The following TRMT6 variants were observed in gnomAD, a reference collection of about 807,000 sequenced individuals.
TRMT6 encodes tRNA (adenine(58)-N(1))-methyltransferase non-catalytic subunit TRM6.
In TRMT6, 34 loss-of-function variants were observed where a neutral mutation model predicts 59.0. The observed-to-expected ratio is 0.58, with a 90% CI of 0.44 to 0.77. The LOEUF is 0.77. Among genes scored for constraint, TRMT6 ranks in the 30% least tolerant of loss-of-function variants. TRMT6 has a pLI of 0.00. For missense variants in TRMT6, 575 were observed against 604.5 expected, an observed-to-expected ratio of 0.95 and a Z score of 0.51; for synonymous variants, 217 against 210.5, an observed-to-expected ratio of 1.03 and a Z score of -0.27.
At chr20:5,949,901 G>C (rs886326843) in intron 1 of TRMT6, among the ~76,000 whole-genome samples, 3 of 149,454 alleles carry the variant, frequency 2.0e-5, no homozygotes, top group African/African-American at 7.7e-5. Flanking sequence ...CAAGGTCCTA[G>C]GGAAAGAACT....
intron 8 of TRMT6, chr20:5,941,654 G>A (rs1019374605): frequency 4.4e-5 from 24 of 548,648 alleles, no homozygotes; most frequent in Non-Finnish European, 6.1e-5. Context: ...GTGGATATCT[G>A]TTATAGCCTG....
At chr20:5,944,347 T>C in intron 3 of TRMT6, 94 bp from the exon 4 acceptor site, 2 of 687,506 alleles carry the variant, frequency 2.9e-6, no homozygotes, top group Non-Finnish European at 4.8e-6. Context: ...GATCCAATGG[T>C]CTGATTCTCC....
Position 5,942,551 on chromosome 20 carries a change from C to A in TRMT6, c.903G>T (p.Glu301Asp). The part of the protein sequence containing the change: ...TLEEKQASEQ[E>D]NEDSMAEAPE... The stretch of plus-strand genomic sequence containing the variant: ...GGGCCTCTGCCATGCTGTCTTCATT[C>A]TCTTGTTCAGAAGCCTGTTTTTCCT... The change falls in exon 7 of 11, where the codon GAG (glutamate) becomes GAT (aspartate). Residue 301 changes from glutamate (E) to aspartate (D), a missense_variant. Coordinates refer to ENST00000203001, the MANE Select transcript of TRMT6 (RefSeq NM_015939.5). 3 of 1,614,092 alleles carry A rather than the reference C, an allele frequency of 1.9e-6. No individual in the cohort carries two copies. Among genetic ancestry groups the A allele is most frequent in the Non-Finnish European group, 2.5e-6 (3 of 1,180,024 alleles).
rs1165497904 is a variant in TRMT6 at position 5,941,121 on chromosome 20, T to C, written c.1234A>G (p.Thr412Ala). 6.2e-7 allele frequency: 1 copy of C among 1,614,234 alleles called. No individual in the cohort carries two copies. Among genetic ancestry groups the C allele is most frequent in the African/African-American group, 1.3e-5 (1 of 75,066 alleles). The change falls in exon 10 of 11, where the codon ACA becomes GCA. Residue 412 changes from threonine to alanine, a missense_variant. Physicochemically the swap from Thr to Ala is moderately conservative, Grantham distance 58 (BLOSUM62 0). Coordinates refer to ENST00000203001, the MANE Select transcript of TRMT6 (RefSeq NM_015939.5). ...ACCCCTCCCCTCTCCCGCAGTTTTG[T>C]GTAGCATTCCAACAGAGGCTGCAGA... ...QYKEPLLECY[T>A]KLRERGGVIN...
At position 5,939,692 on chromosome 20, in the gene TRMT6, G is replaced by C. The variant is rs540203598; in HGVS notation, c.1303-966C>G. 3.0e-4 allele frequency among the ~76,000 whole-genome samples: 46 copies of C among 152,186 alleles called. 1 individual carries two copies. In the South Asian group the frequency reaches 9.6e-3, roughly 32 times the overall value. On this transcript the variant is annotated intron_variant, in intron 10 of 10. Transcript: ENST00000203001. ...TTGGGTCTATGGAGAAGTTGCTACTGAATGTACTACACTCCAAACCTCCCT... is the reference window on the plus strand; with the variant it reads ...TTGGGTCTATGGAGAAGTTGCTACTCAATGTACTACACTCCAAACCTCCCT...
At position 5,942,588 on chromosome 20, in the gene TRMT6, T is replaced by C; in HGVS notation, c.866A>G (p.Asn289Ser). The change falls in exon 7 of 11, where the codon AAT becomes AGT. Residue 289 changes from asparagine (N) to serine (S), a missense_variant. By Grantham distance (46) the Asn-to-Ser change is conservative. Transcript: ENST00000203001. ...PKDSALVEESNGTLEEKQASE... is the reference protein window; with the variant it reads ...PKDSALVEESSGTLEEKQASE... ...AGCCTGTTTTTCCTCCAGTGTGCCA[T>C]TACTTTCTTCAACCAAAGCACTGTC... 2 of 1,614,198 alleles carry C rather than the reference T, an allele frequency of 1.2e-6. No individual in the cohort carries two copies. Among genetic ancestry groups the C allele is most frequent in the Non-Finnish European group, 1.7e-6 (2 of 1,180,026 alleles).
rs1348255721 is a variant in TRMT6 at position 5,938,392 on chromosome 20, C to CATAT, written c.*139_*142dup. On this transcript the variant is annotated 3_prime_UTR_variant, in exon 11 of 11. Coordinates refer to ENST00000203001, the MANE Select transcript of TRMT6 (RefSeq NM_015939.5). ...ATCTGTGTCAGAAATAGACAAAAGG[C>CATAT]ATATACTCCTCCTTCCTAGAAACGG... 32 of 864,094 alleles carry CATAT rather than the reference C, an allele frequency of 3.7e-5. No individual in the cohort carries two copies. The East Asian group carries it at 7.9e-4, about 21-fold the overall frequency. The allele number at this position is 864,094 out of a possible 1,614,324, so 53.5% of individuals were successfully genotyped here.
At position 5,937,719 on chromosome 20, in the gene TRMT6, C is replaced by T. The variant is rs1182954255; in HGVS notation, c.*816G>A. On this transcript the variant is annotated 3_prime_UTR_variant, in exon 11 of 11. Coordinates refer to ENST00000203001, the MANE Select transcript of TRMT6 (RefSeq NM_015939.5). ...ATACAGGTGGTACAATCTATGTCTC[C>T]ACTTGCATGTGTATGTATATATCTG... 1 of 152,164 alleles carries T rather than the reference C, an allele frequency of 6.6e-6. No homozygotes were observed. Among genetic ancestry groups the T allele is most frequent in the Non-Finnish European group, 1.5e-5 (1 of 68,030 alleles). The allele number at this position is 152,164 out of a possible 1,614,324, so 9.4% of individuals were successfully genotyped here.
At chr20:5,944,575 C>T (rs190830832) in intron 3 of TRMT6, among the ~76,000 whole-genome samples, 82 of 152,302 alleles carry the variant, frequency 5.4e-4, no homozygotes, top group Non-Finnish European at 9.6e-4. Flanking sequence ...CTGATATGCA[C>T]TGTTATTACA....
rs186621355 is a variant in TRMT6, at chr20:5,950,248, G to A, written c.128+30C>T. ...GGGGGTATCTACAAGGTGGGGGCGG[G>A]AGACCCCTAAAATCAGCGATCTGAC... On this transcript the variant is annotated intron_variant, in intron 1 of 10. Transcript: ENST00000203001. 5.5e-3 allele frequency: 8,534 copies of A among 1,563,730 alleles called. 53 individuals carry two copies. Among genetic ancestry groups the A allele is most frequent in the Non-Finnish European group, 5.5e-3 (6,277 of 1,147,248 alleles).
chr20:5,941,407 A>G, intron 8 of TRMT6, 62 bp from the exon 9 acceptor site: 1 of 1,173,100 alleles, frequency 8.5e-7, no homozygotes, highest in South Asian at 1.3e-5. Context: ...ACAGGTTTTA[A>G]AATGCATTTA....
At chr20:5,947,624 T>A (rs550760101) in intron 1 of TRMT6, among the ~76,000 whole-genome samples, 15 of 152,328 alleles carry the variant, frequency 9.8e-5, no homozygotes, top group Non-Finnish European at 1.5e-4. Flanking sequence ...ATTTGCTGGG[T>A]CCCTAGATAC....
At chr20:5,946,648 A>C in intron 1 of TRMT6, 115 bp from the exon 2 acceptor site, 1 of 914,908 alleles carries the variant, frequency 1.1e-6, no homozygotes. Context: ...CAGCAGCATT[A>C]TCTCTGAACA....
Position 5,944,869 on chromosome 20 carries a change from CCAT to C in TRMT6, c.299_301del (p.Asp100del). ...ATCTTGAGTAAGTTTCTGAGATTTCCCATCATCAACTATATTTCGATTATCAGT... is the reference window on the plus strand; with the variant it reads ...ATCTTGAGTAAGTTTCTGAGATTTCCCATCAACTATATTTCGATTATCAGT... On this transcript the variant is annotated inframe_deletion, in exon 3 of 11. Transcript: ENST00000203001. The C allele has an allele frequency of 6.2e-7, 1 of 1,614,056 alleles. No individual in the cohort carries two copies. The highest frequency in any genetic ancestry group is 8.5e-7 in the Non-Finnish European group (1 of 1,179,944).
At chr20:5,941,437 T>G in intron 8 of TRMT6, 92 bp from the exon 9 acceptor site, 2 of 869,082 alleles carry the variant, frequency 2.3e-6, no homozygotes, top group Non-Finnish European at 3.7e-6. Flanking sequence ...TGTATTTAAT[T>G]TGCATGACTC....
chr20:5,942,789 G>C lies in TRMT6; in HGVS notation c.668-3C>G. 6.2e-7 allele frequency: 1 copy of C among 1,607,808 alleles called. No individual in the cohort carries two copies. The highest frequency in any genetic ancestry group is 8.5e-7 in the Non-Finnish European group (1 of 1,176,576). ...TAGCTGAATAATGGAGCCAAAACCT[G>C]AACAGATAAAAGAAACAAACATCTG... On this transcript the variant is annotated splice_polypyrimidine_tract_variant and splice_region_variant and intron_variant, in intron 6 of 10. Coordinates refer to ENST00000203001, the MANE Select transcript of TRMT6 (RefSeq NM_015939.5).
rs236167 is a variant in TRMT6, at chr20:5,937,612, T to C, written c.*923A>G. The C allele has an allele frequency of 0.85, 128,981 of 152,264 alleles. 54,836 individuals are homozygous for C. The highest frequency in any genetic ancestry group is 1 in the East Asian group (5,170 of 5,186). 9.4% of individuals were successfully genotyped at this position (152,264 alleles called of 1,614,324 possible). On this transcript the variant is annotated 3_prime_UTR_variant, in exon 11 of 11. Coordinates refer to ENST00000203001, the MANE Select transcript of TRMT6 (RefSeq NM_015939.5). ...AGGAATGACACTAATACAATGAGAA[T>C]TGGTCTAAGTCCTGCACAAGACTTT...
chr20:5,939,753 C>G (rs1233880871), intron 10 of TRMT6, among the ~76,000 whole-genome samples: 1 of 152,166 alleles, frequency 6.6e-6, no homozygotes, highest in Non-Finnish European at 1.5e-5. Flanking sequence ...AAGGCAACTT[C>G]TCTCCTCTTT....
chr20:5,949,389 T>G (rs2088750848), intron 1 of TRMT6, among the ~76,000 whole-genome samples: 1 of 152,070 alleles, frequency 6.6e-6, no homozygotes, highest in Non-Finnish European at 1.5e-5. Flanking sequence ...GTTGTATTTC[T>G]CAGATAAATT....
Sources: allele counts gnomAD v4.1 joint callset (sites outside exome capture counted in the v4.1 genomes callset), GRCh38; gene constraint gnomAD v4.1.1; transcripts MANE v1.5; gene names NCBI Gene and HGNC (gene_info 2026-07-23, HGNC 2026-07-21).